The following STUM variants were observed in gnomAD, a reference collection of about 807,000 sequenced individuals.
The protein encoded by STUM is protein stum homolog.
A neutral mutation model predicts 15.3 loss-of-function variants in STUM; 8 were observed. That is an observed-to-expected ratio of 0.52 (90% CI 0.31 to 0.94). The LOEUF (loss-of-function observed/expected upper bound fraction) is 0.94. STUM is among the 40% of genes least tolerant of loss of function. The pLI is 0.05. For missense variants in STUM, 142 were observed against 204.9 expected (o/e 0.69, Z 1.87); for synonymous variants, 78 against 88.7 (o/e 0.88, Z 0.68).
intron 1 of STUM, among the ~76,000 whole-genome samples, chr1:226,589,819 AC>A (rs1381028361): frequency 6.6e-6 from 1 of 152,078 alleles, no homozygotes; most frequent in Non-Finnish European, 1.5e-5. Context: ...AAGCCGTTGG[AC>A]AGAGTGAAAG....
At chr1:226,584,960 C>T (rs1667973802) in intron 1 of STUM, among the ~76,000 whole-genome samples, 1 of 152,204 alleles carries the variant, frequency 6.6e-6, no homozygotes, top group Non-Finnish European at 1.5e-5. Flanking sequence ...TTAATACACT[C>T]CAGTCTTTGT....
chr1:226,567,731 T>C lies in STUM; in HGVS notation c.202+18625T>C, dbSNP rs1338482748. 1.3e-5 allele frequency among the ~76,000 whole-genome samples: 2 copies of C among 152,132 alleles called. No individual in the cohort carries two copies. The highest frequency in any genetic ancestry group is 6.5e-5 in the Admixed American group (1 of 15,272). ...AAAGTGGAAGCGTGCCAGCGTGAGA[T>C]GGATGATTCTGCCGAGGGGTCTCTA... On this transcript the variant is annotated intron_variant, in intron 1 of 3. Transcript: ENST00000366788. This position sits in a 1 kb window ranked among gnomAD's most constrained non-coding sequence, Gnocchi z 4.5.
chr1:226,555,885 A>G (rs1420438185), intron 1 of STUM, among the ~76,000 whole-genome samples: 1 of 152,250 alleles, frequency 6.6e-6, no homozygotes, highest in East Asian at 1.9e-4. Context: ...TCTAGTACAT[A>G]CCTATATCAT....
intron 1 of STUM, among the ~76,000 whole-genome samples, chr1:226,590,269 C>T (rs377069089): frequency 2.0e-5 from 3 of 152,282 alleles, no homozygotes; most frequent in East Asian, 1.9e-4. Context: ...TCCACACCTC[C>T]ATTCTCTCCA....
At chr1:226,553,205 A>G (rs1667396418) in intron 1 of STUM, among the ~76,000 whole-genome samples, 2 of 152,238 alleles carry the variant, frequency 1.3e-5, no homozygotes, top group Non-Finnish European at 2.9e-5. Context: ...CAACAGAATG[A>G]GAGAGTAGTT....
intron 3 of STUM, among the ~76,000 whole-genome samples, 187 bp from the exon 4 acceptor site, chr1:226,601,819 G>C (rs1668272795): frequency 6.6e-6 from 1 of 152,140 alleles, no homozygotes. Context: ...CACATTTCCT[G>C]ATTCATTCTT....
At chr1:226,575,987 C>T (rs1401100606) in intron 1 of STUM, among the ~76,000 whole-genome samples, 1 of 152,260 alleles carries the variant, frequency 6.6e-6, no homozygotes, top group Non-Finnish European at 1.5e-5. Flanking sequence ...AGAGAACGTA[C>T]TGCCCTAGGT....
Position 226,609,216 on chromosome 1 carries a change from TG to T in STUM, c.*7178del, listed in dbSNP as rs1668412882. 1 of 152,206 alleles carries T rather than the reference TG, an allele frequency of 6.6e-6. No homozygotes were observed. The allele number at this position is 152,206 out of a possible 1,614,324, so 9.4% of individuals were successfully genotyped here. A position where few individuals can be genotyped will look rare whatever the true frequency, so the allele number is the denominator to read the frequency against. ...GTAATAAACATTCATGTGACCTTTC[TG>T]GTAGTTTCTCAAATCCCTGTGTCCT... On this transcript the variant is annotated 3_prime_UTR_variant, in exon 4 of 4. Transcript: ENST00000366788.
chr1:226,597,500 G>A (rs1668201640), intron 2 of STUM: 2 of 471,814 alleles, frequency 4.2e-6, no homozygotes, highest in Non-Finnish European at 8.8e-6. Context: ...GCCCCTCATT[G>A]TGTCCTATAC....
chr1:226,569,852 G>A (rs1667679316), intron 1 of STUM, among the ~76,000 whole-genome samples: 2 of 152,190 alleles, frequency 1.3e-5, no homozygotes, highest in East Asian at 3.8e-4. Context: ...ACTGAAGAGG[G>A]GTAGAGCCTG....
At position 226,565,994 on chromosome 1, in the gene STUM, G is replaced by A. The variant is rs1667618971; in HGVS notation, c.202+16888G>A. ...AAACAGAAGATATTGAAAGCAAATC[G>A]CTACTCAGTCCAGGGTACTCCCCTC... On this transcript the variant is annotated intron_variant, in intron 1 of 3. Coordinates refer to ENST00000366788, the MANE Select transcript of STUM (RefSeq NM_001003665.4). The surrounding 1 kb of genome is among the most constrained non-coding windows in gnomAD (Gnocchi z 4.4). 6.6e-6 allele frequency among the ~76,000 whole-genome samples: 1 copy of A among 152,132 alleles called. No homozygotes were observed.
chr1:226,572,487 T>C (rs992459289), intron 1 of STUM, among the ~76,000 whole-genome samples: 4 of 151,486 alleles, frequency 2.6e-5, no homozygotes, highest in African/African-American at 9.7e-5. Flanking sequence ...CTCGGGGAGA[T>C]GGAAAGGGGA....
intron 1 of STUM, among the ~76,000 whole-genome samples, chr1:226,561,216 G>T (rs1412801337): frequency 6.6e-6 from 1 of 152,170 alleles, no homozygotes; most frequent in African/African-American, 2.4e-5. Flanking sequence ...GAGGGTAGGG[G>T]CTGTGCTTTA....
In STUM at chr1:226,597,600, T is replaced by C. The variant is rs1208065288; in HGVS notation, c.382+619T>C. Among the ~76,000 whole-genome samples the C allele has an allele frequency of 3.3e-5, 5 of 152,092 alleles. No individual in the cohort carries two copies. The South Asian group carries it at 8.3e-4, about 25-fold the overall frequency. ...CAGAGGCAGAAGGGGAAACTCAGGG[T>C]TCAGGGGCCCTAGAATTATGTAGAA... is the stretch of plus-strand genomic sequence containing the variant. On this transcript the variant is annotated intron_variant, in intron 2 of 3. Transcript: ENST00000366788.
At chr1:226,557,720 C>T (rs1253368743) in intron 1 of STUM, among the ~76,000 whole-genome samples, 1 of 152,166 alleles carries the variant, frequency 6.6e-6, no homozygotes, top group East Asian at 1.9e-4. Context: ...CCTTAATGAA[C>T]ATAGATGCAA....
rs1423007997 is a variant in STUM at position 226,608,940 on chromosome 1, A to C, written c.*6900A>C. 2.6e-5 allele frequency: 4 copies of C among 152,216 alleles called. No homozygotes were observed. The highest frequency in any genetic ancestry group is 2.0e-4 in the Admixed American group (3 of 15,278). 9.4% of individuals were successfully genotyped at this position (152,216 alleles called of 1,614,324 possible). A position where few individuals can be genotyped will look rare whatever the true frequency, so the allele number is the denominator to read the frequency against. On this transcript the variant is annotated 3_prime_UTR_variant, in exon 4 of 4. Coordinates refer to ENST00000366788, the MANE Select transcript of STUM (RefSeq NM_001003665.4). The surrounding 1 kb of genome is among the most constrained non-coding windows in gnomAD (Gnocchi z 4.0). ...CTCTAGGGGCCAAGCAGGGTTCCAG[A>C]TTCTCCAGCCTTCTGCCAGCTTTAA...
chr1:226,553,570 A>T (rs1031957698), intron 1 of STUM, among the ~76,000 whole-genome samples: 1 of 152,256 alleles, frequency 6.6e-6, no homozygotes, highest in African/African-American at 2.4e-5. Context: ...ATCAACAAGA[A>T]AAAAGAAACA....
intron 1 of STUM, among the ~76,000 whole-genome samples, chr1:226,588,346 T>C (rs2102706279): frequency 6.6e-6 from 1 of 152,356 alleles, no homozygotes; most frequent in Admixed American, 6.5e-5. Flanking sequence ...GGTCTTCTTG[T>C]GCTCTGTTCT....
At chr1:226,574,581 T>C (rs1213310567) in intron 1 of STUM, among the ~76,000 whole-genome samples, 1 of 152,168 alleles carries the variant, frequency 6.6e-6, no homozygotes, top group African/African-American at 2.4e-5. Flanking sequence ...CCTTGGGAAT[T>C]GGGGGCCAAG....
Sources: gnomAD v4.1 joint callset for allele counts (sites outside exome capture counted in the v4.1 genomes callset) on GRCh38, gnomAD v4.1.1 for gene constraint, Gnocchi (gnomAD v3.1) non-coding constraint, MANE v1.5 for transcripts, NCBI Gene and HGNC (gene_info 2026-07-23, HGNC 2026-07-21) for gene names.